U2SURP: variants seen among roughly 807,000 people sequenced by gnomAD.
U2SURP encodes U2 snRNP associated SURP domain containing, also known as U2 snRNP-associated SURP motif-containing protein.
A neutral mutation model predicts 144.9 loss-of-function variants in U2SURP; 9 were observed. The observed-to-expected ratio is 0.06, with a 90% CI of 0.04 to 0.11. U2SURP has a LOEUF of 0.11. Ranked by LOEUF, U2SURP falls within the 10% of genes least tolerant of loss-of-function variation. The probability of loss-of-function intolerance (pLI) is 1.00; values close to 1 mark genes in which losing one functional copy is unlikely to be tolerated. For missense variants in U2SURP, 724 were observed against 1,226.7 expected (o/e 0.59, Z 6.12); for synonymous variants, 408 against 396.8 (o/e 1.03, Z -0.33).
At chr3:143,044,430 A>G (rs1578161314) in intron 24 of U2SURP, among the ~76,000 whole-genome samples, 1 of 151,714 alleles carries the variant, frequency 6.6e-6, no homozygotes, top group South Asian at 2.1e-4. Context: ...CTGGGACTAC[A>G]GATGTGCACC....
chr3:143,059,920 C>T lies in U2SURP; in HGVS notation c.*3470C>T, dbSNP rs62276908. 7,182 of 152,350 alleles carry T rather than the reference C, an allele frequency of 0.047. 249 individuals carry two copies. The highest frequency in any genetic ancestry group is 0.1 in the Middle Eastern group (30 of 294). The allele number at this position is 152,350 out of a possible 1,614,324, so 9.4% of individuals were successfully genotyped here. On this transcript the variant is annotated 3_prime_UTR_variant, in exon 28 of 28. Coordinates refer to ENST00000473835, the MANE Select transcript of U2SURP (RefSeq NM_001080415.2). ...TTTTAGGGAGTGTTTAATTCATTAT[C>T]CTTTTGACTTAAAATTTTTGTTACC...
At chr3:143,022,828 A>T (rs1005013821) in intron 11 of U2SURP, 25 bp from the exon 12 acceptor site, 18 of 1,516,352 alleles carry the variant, frequency 1.2e-5, no homozygotes, top group Non-Finnish European at 1.5e-5. Flanking sequence ...AGTTAACAAA[A>T]TGACCTTTCA....
rs1471129394 is a variant in U2SURP at position 143,022,934 on chromosome 3, C to T, written c.1100C>T (p.Pro367Leu). Reference protein sequence around the residue: ...PIPPHPIYIPPSMMEHTLPPP... With the variant: ...PIPPHPIYIPLSMMEHTLPPP... Reference sequence around the variant, plus strand: ...CCTCCACATCCAATATACATTCCGCCTTCTATGATGGAACATACGCTTCCC... The same window carrying T: ...CCTCCACATCCAATATACATTCCGCTTTCTATGATGGAACATACGCTTCCC... Residue 367 changes from proline (P) to leucine (L), a missense_variant, in exon 12 of 28, where the codon CCT (proline) becomes CTT (leucine). Coordinates refer to ENST00000473835, the MANE Select transcript of U2SURP (RefSeq NM_001080415.2). 6.2e-7 allele frequency: 1 copy of T among 1,612,938 alleles called. No individual in the cohort carries two copies. The highest frequency in any genetic ancestry group is 1.1e-5 in the South Asian group (1 of 90,840).
chr3:143,003,677 CTTTTTTTTTT>C (rs60505715), intron 1 of U2SURP, among the ~76,000 whole-genome samples: 1 of 101,506 alleles, frequency 9.9e-6, no homozygotes, highest in African/African-American at 3.5e-5. Context: ...TATTTTATTT[CTTTTTTTTTT>C]TTTTTTTTTT....
chr3:143,016,756 T>G, intron 5 of U2SURP, 86 bp from the exon 6 acceptor site: 1 of 1,202,238 alleles, frequency 8.3e-7, no homozygotes, highest in Non-Finnish European at 1.1e-6. Context: ...CTAAAAGCAT[T>G]TTACTAATTT....
chr3:143,033,479 TC>T, intron 18 of U2SURP, 129 bp downstream of exon 18: 1 of 566,496 alleles, frequency 1.8e-6, no homozygotes, highest in Non-Finnish European at 3.1e-6. Context: ...GTCTGTGGGT[TC>T]CTTATCCATG....
chr3:143,026,187 G>A (rs1314123512), intron 13 of U2SURP: 1 of 152,010 alleles, frequency 6.6e-6, no homozygotes, highest in African/African-American at 2.4e-5. Flanking sequence ...ATTGTGTTTG[G>A]AGTCTAATAA....
Position 143,037,169 on chromosome 3 carries a change from AT to A in U2SURP, c.2065-7del. 1 of 1,608,556 alleles carries A rather than the reference AT, an allele frequency of 6.2e-7. No homozygotes were observed. Among genetic ancestry groups the A allele is most frequent in the South Asian group, 1.1e-5 (1 of 89,886 alleles). The stretch of plus-strand genomic sequence containing the variant: ...AAAGGAAAATGTTATAATAGTACAC[AT>A]TTCCATAGGATGTTCCAGATGACCT... On this transcript the variant is annotated splice_polypyrimidine_tract_variant and intron_variant, in intron 20 of 27. Transcript: ENST00000473835.
intron 24 of U2SURP, among the ~76,000 whole-genome samples, chr3:143,045,185 A>G (rs1483245141): frequency 1.3e-5 from 2 of 152,022 alleles, no homozygotes; most frequent in Non-Finnish European, 2.9e-5. Flanking sequence ...CCTGGCTAAC[A>G]CGGTGAAACC....
chr3:143,014,882 T>C (rs11917259), intron 4 of U2SURP, among the ~76,000 whole-genome samples: 49,995 of 151,960 alleles, frequency 0.33, 8,577 homozygotes, highest in Non-Finnish European at 0.38. Context: ...TTTGTTCTTT[T>C]GCCATTAAAA....
chr3:143,010,213 A>G (rs1319681613), intron 1 of U2SURP, among the ~76,000 whole-genome samples: 1 of 152,232 alleles, frequency 6.6e-6, no homozygotes, highest in South Asian at 2.1e-4. Context: ...AACAGTTGAC[A>G]TCACTGGAAG....
In U2SURP at chr3:143,049,265, CAAAAAAAAAAAA is replaced by C. The variant is rs200930787; in HGVS notation, c.2545-1658_2545-1647del. Among the ~76,000 whole-genome samples the C allele has an allele frequency of 2.0e-4, 16 of 81,496 alleles. No homozygotes were observed. In the South Asian group the frequency reaches 3.4e-3, roughly 17 times the overall value. 53.5% of individuals were successfully genotyped at this position (81,496 alleles called of 152,430 possible). Reference sequence around the variant, plus strand: ...TGGGCAACAGAGTAAGACTCCATCTCAAAAAAAAAAAAAAAAAAAAAAAAAAAGAAAGAAAAT... The same window carrying C: ...TGGGCAACAGAGTAAGACTCCATCTCAAAAAAAAAAAAAAAGAAAGAAAAT... On this transcript the variant is annotated intron_variant, in intron 24 of 27. Transcript: ENST00000473835.
Position 143,028,634 on chromosome 3 carries a change from C to G in U2SURP, c.1598C>G (p.Ala533Gly). The change falls in exon 16 of 28, where the codon GCA becomes GGA. Residue 533 changes from alanine to glycine, a missense_variant. Physicochemically the swap from Ala to Gly is moderately conservative, Grantham distance 60. This residue lies in a region of U2SURP where 66 missense variants were observed against 95.0 expected (regional missense o/e 0.69). Transcript: ENST00000473835. ...GTAGAGGAACCTAGTAAAAAGGGAG[C>G]ACTTAAGGAAGAGTAAGATATTTTT... ...AFVEEPSKKGALKEEQRDKLE... is the reference protein window; with the variant it reads ...AFVEEPSKKGGLKEEQRDKLE... The G allele has an allele frequency of 6.3e-7, 1 of 1,599,524 alleles. No individual in the cohort carries two copies. The highest frequency in any genetic ancestry group is 8.5e-7 in the Non-Finnish European group (1 of 1,176,040).
At chr3:143,055,262 G>A (rs1329675155) in intron 27 of U2SURP, 143 bp downstream of exon 27, 2 of 725,192 alleles carry the variant, frequency 2.8e-6, no homozygotes, top group Non-Finnish European at 4.4e-6. Context: ...TTCATTTTTG[G>A]TTATTCCTCC....
rs1301681865 is a variant in U2SURP, at chr3:143,028,492, C to T, written c.1456C>T (p.Pro486Ser). 1.9e-6 allele frequency: 3 copies of T among 1,594,578 alleles called. No homozygotes were observed. Among genetic ancestry groups the T allele is most frequent in the African/African-American group, 1.4e-5 (1 of 73,358 alleles). Residue 486 changes from proline (P) to serine (S), a missense_variant, in exon 16 of 28, where the codon CCA becomes TCA. By Grantham distance (74) the Pro-to-Ser change is moderately conservative. Transcript: ENST00000473835. Reference protein sequence around the residue: ...KLYSILQGDSPTKWRTEDFRM... With the variant: ...KLYSILQGDSSTKWRTEDFRM... ...TCTAAATGTTTGTTAGGGAGATTCT[C>T]CAACTAAATGGCGGACGGAAGATTT...
intron 13 of U2SURP, among the ~76,000 whole-genome samples, chr3:143,025,215 C>G (rs1481455463): frequency 6.6e-6 from 1 of 152,052 alleles, no homozygotes; most frequent in Non-Finnish European, 1.5e-5. Context: ...GTGGGTTTTT[C>G]ACCACTGATA....
At chr3:143,012,414 T>G in intron 3 of U2SURP, 61 bp downstream of exon 3, 1 of 1,445,120 alleles carries the variant, frequency 6.9e-7, no homozygotes, top group Non-Finnish European at 9.2e-7. Flanking sequence ...TAATCTGTCT[T>G]TGACTGAATT....
chr3:143,004,428 A>G (rs932123023), intron 1 of U2SURP, among the ~76,000 whole-genome samples: 4 of 131,596 alleles, frequency 3.0e-5, no homozygotes, highest in East Asian at 2.2e-4. Context: ...CAGTGGTGCA[A>G]TCTCAGCTCA....
In U2SURP at chr3:143,055,068, C is replaced by G; in HGVS notation, c.2900C>G (p.Ser967Cys). ...SERSHKESSR[S>C]RSSHKDSPRD... is the part of the protein sequence containing the mutation. The stretch of plus-strand genomic sequence containing the variant: ...AGATCTCATAAAGAGAGCTCACGGT[C>G]CAGGTCATCTCACAAAGATTCTCCT... Residue 967 changes from serine to cysteine, a missense_variant, in exon 27 of 28, where the codon TCC becomes TGC. This residue lies in a region of U2SURP where 129 missense variants were observed against 196.1 expected (regional missense o/e 0.66). Coordinates refer to ENST00000473835, the MANE Select transcript of U2SURP (RefSeq NM_001080415.2). 6.2e-7 allele frequency: 1 copy of G among 1,607,230 alleles called. No homozygotes were observed. Among genetic ancestry groups the G allele is most frequent in the Non-Finnish European group, 8.5e-7 (1 of 1,177,194 alleles).
Sources: gnomAD v4.1 joint callset for allele counts (sites outside exome capture counted in the v4.1 genomes callset) on GRCh38, gnomAD v4.1.1 for gene constraint, gnomAD v4.1.1 regional missense constraint, MANE v1.5 for transcripts, NCBI Gene and HGNC (gene_info 2026-07-23, HGNC 2026-07-21) for gene names.